The following TENM1 variants were observed in gnomAD, a reference collection of about 807,000 sequenced individuals.
TENM1 encodes teneurin-1.
TENM1 carries 35 observed loss-of-function variants against 174.8 expected under a neutral mutation model. That is an observed-to-expected ratio of 0.20 (90% CI 0.15 to 0.27). The LOEUF is 0.27. Among genes scored for constraint, TENM1 ranks in the 10% least tolerant of loss-of-function variants. The probability of loss-of-function intolerance (pLI) is 1.00; values close to 1 mark genes in which losing one functional copy is unlikely to be tolerated. For missense variants in TENM1, 1,633 were observed against 2,130.1 expected (o/e 0.77, Z 4.59); for synonymous variants, 781 against 798.7 (o/e 0.98, Z 0.37).
the TENM1 span, among the ~76,000 whole-genome samples, chrX:125,170,161 C>G: frequency 9.0e-6 from 1 of 111,380 alleles, no homozygotes; most frequent in South Asian, 3.8e-4. Flanking sequence ...TCCCACTGAG[C>G]CTTAAGAGTC....
the TENM1 span, among the ~76,000 whole-genome samples, chrX:125,054,309 C>T: frequency 9.1e-6 from 1 of 110,020 alleles, no homozygotes; most frequent in Non-Finnish European, 1.9e-5. Context: ...TATAAGTTTA[C>T]TGAGGCTTCC....
intron 5 of TENM1, among the ~76,000 whole-genome samples, chrX:124,700,382 A>C (rs1348467968): frequency 1.8e-5 from 2 of 111,782 alleles, no homozygotes; most frequent in Non-Finnish European, 3.8e-5. Context: ...ACCCCAGCTC[A>C]AACTAAATAA....
chrX:124,697,243 C>A (rs1299286942), intron 5 of TENM1, among the ~76,000 whole-genome samples: 1 of 111,109 alleles, frequency 9.0e-6, no homozygotes, highest in African/African-American at 3.3e-5. Context: ...ATTAGACTGG[C>A]AACGCTTTGA....
At chrX:124,475,948 A>G (rs1458737888) in intron 22 of TENM1, among the ~76,000 whole-genome samples, 1 of 111,696 alleles carries the variant, frequency 9.0e-6, no homozygotes, top group Non-Finnish European at 1.9e-5. Context: ...TTACTCTAAG[A>G]ATACTGAATT....
intron 3 of TENM1, among the ~76,000 whole-genome samples, chrX:124,846,535 T>C (rs971651345): frequency 1.8e-5 from 2 of 111,468 alleles, no homozygotes; most frequent in Admixed American, 9.6e-5. Context: ...TCAATCACAG[T>C]TATCAGTTCA....
At chrX:125,140,521 T>A in the TENM1 span, among the ~76,000 whole-genome samples, 1 of 111,491 alleles carries the variant, frequency 9.0e-6, no homozygotes, top group Non-Finnish European at 1.9e-5. Context: ...TAATTTCTAA[T>A]GTTTGATGGC....
At chrX:124,474,125 C>T (rs1289214641) in intron 22 of TENM1, among the ~76,000 whole-genome samples, 1 of 111,339 alleles carries the variant, frequency 9.0e-6, no homozygotes, top group Non-Finnish European at 1.9e-5. Flanking sequence ...TAACTTATTA[C>T]ATATATGGGT....
chrX:124,428,478 C>T, intron 23 of TENM1, among the ~76,000 whole-genome samples: 1 of 112,057 alleles, frequency 8.9e-6, no homozygotes, highest in African/African-American at 3.2e-5. Context: ...ATGCTCAAAC[C>T]ACCATTTGTA....
chrX:125,145,341 C>G, the TENM1 span, among the ~76,000 whole-genome samples: 1 of 111,967 alleles, frequency 8.9e-6, no homozygotes, highest in African/African-American at 3.2e-5. Context: ...TAGGACATCA[C>G]TACAAATACT....
At chrX:124,440,600 T>A (rs1418747680) in intron 23 of TENM1, among the ~76,000 whole-genome samples, 1 of 111,900 alleles carries the variant, frequency 8.9e-6, no homozygotes, top group Non-Finnish European at 1.9e-5. Flanking sequence ...TTTTTCTGTA[T>A]TACCATCTTT....
the TENM1 span, among the ~76,000 whole-genome samples, chrX:125,042,391 T>C: frequency 9.0e-6 from 1 of 111,213 alleles, no homozygotes; most frequent in Admixed American, 9.6e-5. Flanking sequence ...TCTTAGTAGG[T>C]AACACCTGTA....
the TENM1 span, among the ~76,000 whole-genome samples, chrX:125,108,034 T>C: frequency 2.7e-5 from 3 of 112,017 alleles, no homozygotes; most frequent in Admixed American, 9.5e-5. Flanking sequence ...TCCAAATGTA[T>C]TAATGCTCCC....
At chrX:124,936,551 C>T (rs937984044) in intron 1 of TENM1, among the ~76,000 whole-genome samples, 1 of 111,992 alleles carries the variant, frequency 8.9e-6, no homozygotes, top group Non-Finnish European at 1.9e-5. Context: ...GTTTCATTCA[C>T]CACTGTACTC....
the TENM1 span, among the ~76,000 whole-genome samples, chrX:125,061,076 A>C: frequency 3.4e-5 from 3 of 87,814 alleles, no homozygotes; most frequent in East Asian, 5.9e-4. Flanking sequence ...AATTACTGAA[A>C]ATTGTTGCAT....
intron 11 of TENM1, among the ~76,000 whole-genome samples, chrX:124,621,158 T>A (rs2050508878): frequency 8.9e-6 from 1 of 112,014 alleles, no homozygotes; most frequent in African/African-American, 3.2e-5. Context: ...AATATTTGCA[T>A]AAACATAATG....
chrX:124,787,423 A>G (rs780478125), intron 3 of TENM1, among the ~76,000 whole-genome samples: 5 of 105,606 alleles, frequency 4.7e-5, no homozygotes, highest in Non-Finnish European at 9.6e-5. Flanking sequence ...AATAAGTTTG[A>G]TTTGGGCCCC....
intron 19 of TENM1, among the ~76,000 whole-genome samples, chrX:124,499,209 T>C (rs2047270984): frequency 9.0e-6 from 1 of 111,648 alleles, no homozygotes. Context: ...CCTAAACATT[T>C]CCTGAAATGT....
the TENM1 span, among the ~76,000 whole-genome samples, chrX:125,096,821 C>T: frequency 9.1e-6 from 1 of 110,124 alleles, no homozygotes; most frequent in African/African-American, 3.3e-5. Context: ...CCCCATGACA[C>T]CTGGACCAGA....
At chrX:124,953,565 A>T (rs2058524283) in intron 1 of TENM1, among the ~76,000 whole-genome samples, 1 of 111,737 alleles carries the variant, frequency 8.9e-6, no homozygotes, top group Non-Finnish European at 1.9e-5. Context: ...AAAGAAAAAA[A>T]GACAAAGCTC....
Sources: allele counts gnomAD v4.1 joint callset (sites outside exome capture counted in the v4.1 genomes callset), GRCh38; gene constraint gnomAD v4.1.1; transcripts MANE v1.5; gene names NCBI Gene and HGNC (gene_info 2026-07-23, HGNC 2026-07-21).